The following DYNC2H1 variants were observed in gnomAD, a reference collection of about 807,000 sequenced individuals.
The protein encoded by DYNC2H1 is dynein cytoplasmic 2 heavy chain 1, also known as cytoplasmic dynein 2 heavy chain 1.
Under a neutral mutation model 570.0 loss-of-function variants are expected in DYNC2H1, and 410 were observed. The ratio of observed to expected loss-of-function variants is 0.72; its 90% confidence interval spans 0.66 to 0.78. The LOEUF is 0.78. DYNC2H1 is among the 30% of genes least tolerant of loss of function. The pLI, the probability that DYNC2H1 is intolerant of heterozygous loss-of-function variation, is 0.00. For missense variants in DYNC2H1, 4,865 were observed against 5,046.4 expected, an observed-to-expected ratio of 0.96 and a Z score of 1.09; for synonymous variants, 1,688 against 1,677.6, an observed-to-expected ratio of 1.01 and a Z score of -0.15.
chr11:103,170,136 C>G lies in DYNC2H1; in HGVS notation c.4997C>G (p.Pro1666Arg). 6.2e-7 allele frequency: 1 copy of G among 1,612,742 alleles called. No homozygotes were observed. The highest frequency in any genetic ancestry group is 8.5e-7 in the Non-Finnish European group (1 of 1,179,294). The change falls in exon 33 of 89, where the codon CCA (proline) becomes CGA (arginine). Residue 1666 changes from proline (P) to arginine (R), a missense_variant. Physicochemically the swap from Pro to Arg is moderately radical, Grantham distance 103. Transcript: ENST00000375735. The surrounding 1 kb of genome is among the most constrained non-coding windows in gnomAD (Gnocchi z 4.8). Reference protein sequence around the residue: ...QGNASKLVYTPLTDKCYLTLT... With the variant: ...QGNASKLVYTRLTDKCYLTLT... ...AATGCTTCCAAACTGGTTTATACTC[C>G]ACTGACAGACAAGTGCTACTTAACT...
chr11:103,470,877 C>T (rs148596482), intron 88 of DYNC2H1, among the ~76,000 whole-genome samples: 2,577 of 152,224 alleles, frequency 0.017, 62 homozygotes, highest in African/African-American at 0.053. Flanking sequence ...TATAAACATA[C>T]GTGTGCATGT....
chr11:103,412,083 T>C (rs762064460), intron 84 of DYNC2H1, among the ~76,000 whole-genome samples: 5 of 152,138 alleles, frequency 3.3e-5, no homozygotes, highest in Non-Finnish European at 7.4e-5. Context: ...ACATTTACTT[T>C]CTAATGAGTT....
intron 82 of DYNC2H1, among the ~76,000 whole-genome samples, chr11:103,339,635 G>T (rs1445071306): frequency 7.0e-6 from 1 of 143,860 alleles, no homozygotes; most frequent in African/African-American, 2.5e-5. Flanking sequence ...CTGGAGTTGG[G>T]GGAGAGGCGA....
rs967092033 is a variant in DYNC2H1, at chr11:103,204,117, G to A, written c.8311+341G>A. On this transcript the variant is annotated intron_variant, in intron 51 of 88. Coordinates refer to ENST00000375735, the MANE Select transcript of DYNC2H1 (RefSeq NM_001377.3). The surrounding 1 kb of genome is among the most constrained non-coding windows in gnomAD (Gnocchi z 4.1). ...TTTTACATGGATGGCAGCAAGCAAA[G>A]GAGGGCTTGTGCAGAAAAACTCCTG... Among the ~76,000 whole-genome samples the A allele has an allele frequency of 1.3e-5, 2 of 152,068 alleles. No homozygotes were observed. The highest frequency in any genetic ancestry group is 2.9e-5 in the Non-Finnish European group (2 of 68,020).
chr11:103,260,191 G>C (rs561951462), intron 70 of DYNC2H1, among the ~76,000 whole-genome samples: 1 of 152,170 alleles, frequency 6.6e-6, no homozygotes, highest in African/African-American at 2.4e-5. Flanking sequence ...CAAACACTGC[G>C]TTAGCTGACT....
At chr11:103,131,557 T>A (rs1422384065) in intron 13 of DYNC2H1, among the ~76,000 whole-genome samples, 1 of 152,046 alleles carries the variant, frequency 6.6e-6, no homozygotes, top group East Asian at 1.9e-4. Context: ...CTTTGGATAT[T>A]TTTTTTTCTT....
intron 75 of DYNC2H1, among the ~76,000 whole-genome samples, chr11:103,298,440 A>T (rs1446342367): frequency 2.0e-5 from 3 of 152,130 alleles, no homozygotes; most frequent in Non-Finnish European, 4.4e-5. Flanking sequence ...ACTCTTTGAA[A>T]TACTTATGGT....
rs368178562 is a variant in DYNC2H1 at position 103,220,722 on chromosome 11, A to G, written c.9046A>G (p.Ile3016Val). ...CATGCCACCTGATGTAATTAGAGAT[A>G]TTCTTGAAGGAGTTTTAAGGTTGAT... ...LRMPPDVIRDILEGVLRLMGI... is the reference protein window; with the variant it reads ...LRMPPDVIRDVLEGVLRLMGI... The change falls in exon 57 of 89, where the codon ATT (isoleucine) becomes GTT (valine). Residue 3016 changes from isoleucine to valine, a missense_variant. By Grantham distance (29) the Ile-to-Val change is conservative. This residue lies in a region of DYNC2H1 where 2,401 missense variants were observed against 2,454.6 expected (regional missense o/e 0.98). Transcript: ENST00000375735. 24 of 1,613,130 alleles carry G rather than the reference A, an allele frequency of 1.5e-5. No homozygotes were observed. In the African/African-American group the frequency reaches 2.1e-4, roughly 14 times the overall value.
chr11:103,206,197 C>A (rs760564536), intron 52 of DYNC2H1, among the ~76,000 whole-genome samples: 2 of 152,026 alleles, frequency 1.3e-5, no homozygotes, highest in Non-Finnish European at 2.9e-5. Context: ...TAAGGTGTAA[C>A]AGAAAGTGAG....
At chr11:103,331,114 A>C (rs894821232) in intron 82 of DYNC2H1, among the ~76,000 whole-genome samples, 1 of 152,240 alleles carries the variant, frequency 6.6e-6, no homozygotes, top group Admixed American at 6.5e-5. Context: ...ACACAACACA[A>C]ACATTTGCTT....
rs150909009 is a variant in DYNC2H1, at chr11:103,411,412, G to C, written c.12366+11540G>C. Among the ~76,000 whole-genome samples, 275 of 151,624 alleles carry C rather than the reference G, an allele frequency of 1.8e-3. 1 individual carries two copies. The highest frequency in any genetic ancestry group is 6.4e-3 in the African/African-American group (263 of 41,382). ...GTTTAGTAGGGTTTTCAGATTGTTA[G>C]GAAAATTATATCAATCGAGGGGTAG... On this transcript the variant is annotated intron_variant, in intron 84 of 88. Transcript: ENST00000375735.
intron 84 of DYNC2H1, among the ~76,000 whole-genome samples, chr11:103,418,706 G>A (rs1320920195): frequency 2.6e-5 from 4 of 152,172 alleles, no homozygotes; most frequent in African/African-American, 7.2e-5. Context: ...GCAGTGTGGG[G>A]TAATGGCCCA....
intron 3 of DYNC2H1, among the ~76,000 whole-genome samples, chr11:103,114,781 G>A (rs1324643837): frequency 6.6e-6 from 1 of 151,846 alleles, no homozygotes; most frequent in East Asian, 1.9e-4. Context: ...TGTGTATATT[G>A]TTGATTCATT....
intron 42 of DYNC2H1, 97 bp from the exon 43 acceptor site, chr11:103,187,243 A>G (rs1305164534): frequency 6.7e-7 from 1 of 1,496,580 alleles, no homozygotes; most frequent in African/African-American, 1.4e-5. Flanking sequence ...CATTTTAGAA[A>G]CTGAAATATT....
intron 82 of DYNC2H1, among the ~76,000 whole-genome samples, chr11:103,349,970 C>G (rs1939963600): frequency 6.6e-6 from 1 of 152,090 alleles, no homozygotes; most frequent in Non-Finnish European, 1.5e-5. Flanking sequence ...CATATGTTAA[C>G]ATTAGAAAGA....
intron 1 of DYNC2H1, among the ~76,000 whole-genome samples, chr11:103,111,045 C>T (rs970589212): frequency 4.6e-5 from 7 of 152,258 alleles, no homozygotes; most frequent in Non-Finnish European, 1.0e-4. Context: ...AGGCTGGTCT[C>T]GAACTCCTGA....
At chr11:103,366,279 C>CATAT (rs1167154139) in intron 83 of DYNC2H1, among the ~76,000 whole-genome samples, 1 of 152,076 alleles carries the variant, frequency 6.6e-6, no homozygotes, top group African/African-American at 2.4e-5. Flanking sequence ...CACATGTGTG[C>CATAT]ATATATGAAT....
At chr11:103,399,086 ATTAC>A (rs1942513699) in intron 83 of DYNC2H1, among the ~76,000 whole-genome samples, 2 of 140,984 alleles carry the variant, frequency 1.4e-5, no homozygotes, top group African/African-American at 5.4e-5. Flanking sequence ...TTACCATACT[ATTAC>A]TTAATGTGGT....
At chr11:103,312,380 C>CAAA (rs775259300) in intron 79 of DYNC2H1, among the ~76,000 whole-genome samples, 33 of 47,966 alleles carry the variant, frequency 6.9e-4, no homozygotes, top group African/African-American at 1.2e-3. Context: ...AACTCCATCT[C>CAAA]AAAAAAAAAA....
Sources: gnomAD v4.1 joint callset for allele counts (sites outside exome capture counted in the v4.1 genomes callset) on GRCh38, gnomAD v4.1.1 for gene constraint, gnomAD v4.1.1 regional missense constraint, Gnocchi (gnomAD v3.1) non-coding constraint, MANE v1.5 for transcripts, NCBI Gene and HGNC (gene_info 2026-07-23, HGNC 2026-07-21) for gene names.